The following RIMS1 variants were observed in gnomAD, a reference collection of about 807,000 sequenced individuals.
RIMS1 encodes regulating synaptic membrane exocytosis protein 1.
Under a neutral mutation model 214.1 loss-of-function variants are expected in RIMS1, and 83 were observed. The observed-to-expected ratio is 0.39, with a 90% CI of 0.32 to 0.47. The LOEUF is 0.47. RIMS1 is among the 20% of genes least tolerant of loss of function. RIMS1 has a pLI of 0.99. For missense variants in RIMS1, 2,050 were observed against 2,161.8 expected (o/e 0.95, Z 1.03); for synonymous variants, 793 against 786.8 (o/e 1.01, Z -0.13).
chr6:72,111,640 G>C (rs1329046119), intron 4 of RIMS1, among the ~76,000 whole-genome samples: 4 of 152,096 alleles, frequency 2.6e-5, no homozygotes, highest in East Asian at 1.9e-4. Flanking sequence ...TTTAGTTTTA[G>C]ATAAAGAGGA....
At chr6:72,126,144 A>G (rs1351698195) in intron 4 of RIMS1, among the ~76,000 whole-genome samples, 2 of 142,024 alleles carry the variant, frequency 1.4e-5, no homozygotes, top group African/African-American at 5.3e-5. Context: ...CTGATCTTTA[A>G]TAAAGCATAC....
chr6:71,974,036 T>A (rs752651586), intron 2 of RIMS1, among the ~76,000 whole-genome samples: 52 of 152,122 alleles, frequency 3.4e-4, no homozygotes, highest in South Asian at 1.0e-3. Context: ...AGTGGGCAAA[T>A]CACATATCTT....
At chr6:72,039,412 G>A (rs1285623855) in intron 2 of RIMS1, among the ~76,000 whole-genome samples, 1 of 152,012 alleles carries the variant, frequency 6.6e-6, no homozygotes, top group Non-Finnish European at 1.5e-5. Context: ...CATTCATTTT[G>A]ACAGTATGAA....
At chr6:72,316,809 G>C (rs1205347260) in intron 28 of RIMS1, 1 of 762,172 alleles carries the variant, frequency 1.3e-6, no homozygotes, top group African/African-American at 1.7e-5. Flanking sequence ...GTAGGTGGGT[G>C]GTGGTGCCAA....
At position 72,040,373 on chromosome 6, in the gene RIMS1, C is replaced by T. The variant is rs1260742890; in HGVS notation, c.246-56576C>T. ...AATAGTAGTCACAGGCTTTCCTAGG[C>T]AGCATGATGATAATGTGATGTTTGG... is the stretch of plus-strand genomic sequence containing the variant. On this transcript the variant is annotated intron_variant, in intron 2 of 33. Transcript: ENST00000521978. Among the ~76,000 whole-genome samples, 8 of 152,106 alleles carry T rather than the reference C, an allele frequency of 5.3e-5. No individual in the cohort carries two copies. In the East Asian group the frequency reaches 1.5e-3, roughly 29 times the overall value.
intron 7 of RIMS1, 69 bp downstream of exon 7, chr6:72,233,909 T>C: frequency 1.0e-6 from 1 of 975,186 alleles, no homozygotes; most frequent in East Asian, 2.6e-5. Flanking sequence ...CTTTGTCTGA[T>C]ATGTGATATC....
At chr6:72,057,660 A>G (rs557546870) in intron 2 of RIMS1, among the ~76,000 whole-genome samples, 1 of 151,988 alleles carries the variant, frequency 6.6e-6, no homozygotes, top group East Asian at 1.9e-4. Flanking sequence ...GGCGCCCGCC[A>G]CCACTACTAG....
intron 4 of RIMS1, among the ~76,000 whole-genome samples, chr6:72,151,366 C>T (rs935944666): frequency 4.6e-5 from 7 of 152,094 alleles, no homozygotes; most frequent in Admixed American, 6.6e-5. Context: ...TAATGGAAAA[C>T]GTAACCAGCG....
chr6:71,969,099 C>T lies in RIMS1; in HGVS notation c.245+36C>T, dbSNP rs371681525. 2.2e-5 allele frequency: 34 copies of T among 1,576,648 alleles called. No homozygotes were observed. The African/African-American group carries it at 2.4e-4, about 11-fold the overall frequency. On this transcript the variant is annotated intron_variant, in intron 2 of 33. Coordinates refer to ENST00000521978, the MANE Select transcript of RIMS1 (RefSeq NM_014989.7). ...CATTGGTTTTATTGACTGAAAATGT[C>T]GTCTCTTACACAGATCATGGTTACA...
At chr6:72,236,438 A>G (rs1362753285) in intron 8 of RIMS1, among the ~76,000 whole-genome samples, 1 of 152,156 alleles carries the variant, frequency 6.6e-6, no homozygotes, top group East Asian at 1.9e-4. Context: ...CCTACATTTT[A>G]CTACACATAT....
chr6:71,945,943 G>A (rs1787682334), intron 1 of RIMS1, among the ~76,000 whole-genome samples: 1 of 151,824 alleles, frequency 6.6e-6, no homozygotes, highest in Admixed American at 6.6e-5. Flanking sequence ...TGGAGATGGG[G>A]TTTCAGAAAA....
chr6:72,080,626 C>A (rs1833131239), intron 2 of RIMS1, among the ~76,000 whole-genome samples: 1 of 152,190 alleles, frequency 6.6e-6, no homozygotes, highest in African/African-American at 2.4e-5. Context: ...GCTCACATAA[C>A]CTGTGTACCC....
At chr6:71,894,823 T>G (rs1771153067) in intron 1 of RIMS1, among the ~76,000 whole-genome samples, 1 of 152,220 alleles carries the variant, frequency 6.6e-6, no homozygotes, top group Non-Finnish European at 1.5e-5. Flanking sequence ...AGTAATTTCA[T>G]GCAATATGTA....
intron 6 of RIMS1, among the ~76,000 whole-genome samples, chr6:72,205,073 T>G (rs562806678): frequency 6.6e-6 from 1 of 152,270 alleles, no homozygotes; most frequent in Non-Finnish European, 1.5e-5. Flanking sequence ...AGAGAAGTAA[T>G]TACTTCTGTG....
rs1041524529 is a variant in RIMS1 at position 71,937,510 on chromosome 6, C to T, written c.165-31473C>T. 4.6e-5 allele frequency among the ~76,000 whole-genome samples: 7 copies of T among 152,114 alleles called. No individual in the cohort carries two copies. The South Asian group carries it at 6.2e-4, about 14-fold the overall frequency. On this transcript the variant is annotated intron_variant, in intron 1 of 33. Coordinates refer to ENST00000521978, the MANE Select transcript of RIMS1 (RefSeq NM_014989.7). The stretch of plus-strand genomic sequence containing the variant: ...TCAAGCAGTCTGCCTTCCTGGGCCT[C>T]CCAAAGTGCTGGGATTACAGTGATG...
intron 1 of RIMS1, among the ~76,000 whole-genome samples, chr6:71,946,226 A>G (rs916326289): frequency 6.6e-6 from 1 of 152,232 alleles, no homozygotes; most frequent in African/African-American, 2.4e-5. Flanking sequence ...TACAGATTCA[A>G]TGCAATCCCT....
intron 2 of RIMS1, among the ~76,000 whole-genome samples, chr6:72,039,474 A>T (rs540181094): frequency 6.6e-6 from 1 of 152,190 alleles, no homozygotes; most frequent in African/African-American, 2.4e-5. Context: ...TGGGTTTTAA[A>T]TGATTCTTGG....
At chr6:72,130,359 A>G (rs2040250282) in intron 4 of RIMS1, among the ~76,000 whole-genome samples, 1 of 152,040 alleles carries the variant, frequency 6.6e-6, no homozygotes, top group African/African-American at 2.4e-5. Flanking sequence ...TTATTCATAT[A>G]TTCATTTCTT....
In RIMS1 at chr6:72,250,698, C is replaced by T. The variant is rs976550556; in HGVS notation, c.2373-223C>T. ...TTATAGGTATATTAGTCTTTGATAG[C>T]GACACATCATTTAGAATGTACCTTT... On this transcript the variant is annotated intron_variant, in intron 13 of 33. Coordinates refer to ENST00000521978, the MANE Select transcript of RIMS1 (RefSeq NM_014989.7). Among the ~76,000 whole-genome samples the T allele has an allele frequency of 3.3e-5, 5 of 152,108 alleles. No individual in the cohort carries two copies. The East Asian group carries it at 5.8e-4, about 18-fold the overall frequency.
Sources: gnomAD v4.1 joint callset for allele counts (sites outside exome capture counted in the v4.1 genomes callset) on GRCh38, gnomAD v4.1.1 for gene constraint, MANE v1.5 for transcripts, NCBI Gene and HGNC (gene_info 2026-07-23, HGNC 2026-07-21) for gene names.